The following XCR1 variants were observed in gnomAD, a reference collection of about 807,000 sequenced individuals.
XCR1 encodes X-C motif chemokine receptor 1, also known as chemokine XC receptor 1.
For synonymous variants in XCR1, 187 were observed against 188.5 expected (o/e 0.99, Z 0.06); for missense variants, 356 against 424.2 (o/e 0.84, Z 1.41).
intron 5 of XCR1, among the ~76,000 whole-genome samples, chr3:46,047,727 G>T (rs1697661975): frequency 6.6e-6 from 1 of 152,230 alleles, no homozygotes. Context: ...CTGGGTGGCA[G>T]ACTGGGATTG....
At chr3:46,073,896 G>C (rs1698206751) in intron 3 of XCR1, among the ~76,000 whole-genome samples, 1 of 150,426 alleles carries the variant, frequency 6.6e-6, no homozygotes, top group Non-Finnish European at 1.5e-5. Context: ...ACACCAATCA[G>C]AATGGCAATT....
At chr3:46,051,404 G>A (rs1697740431) in intron 5 of XCR1, among the ~76,000 whole-genome samples, 1 of 152,200 alleles carries the variant, frequency 6.6e-6, no homozygotes, top group Non-Finnish European at 1.5e-5. Flanking sequence ...GCACTCTGTT[G>A]AACACTTTGA....
intron 5 of XCR1, among the ~76,000 whole-genome samples, chr3:46,035,431 G>A (rs1177845827): frequency 6.6e-6 from 1 of 152,168 alleles, no homozygotes; most frequent in Non-Finnish European, 1.5e-5. Flanking sequence ...TGTGCCATGA[G>A]CAACGGGACC....
chr3:46,052,737 A>G (rs867994283), intron 5 of XCR1, among the ~76,000 whole-genome samples: 1 of 152,200 alleles, frequency 6.6e-6, no homozygotes, highest in Admixed American at 6.5e-5. Flanking sequence ...GCGCGTTCAT[A>G]ATCTGCGTTT....
intron 5 of XCR1, among the ~76,000 whole-genome samples, chr3:46,038,116 C>T (rs1230124026): frequency 2.0e-5 from 3 of 151,496 alleles, no homozygotes; most frequent in Admixed American, 2.0e-4. Context: ...CAAACTCTGC[C>T]TCCCAGGTTC....
At chr3:46,049,253 G>C (rs1288751179) in intron 5 of XCR1, among the ~76,000 whole-genome samples, 8 of 152,202 alleles carry the variant, frequency 5.3e-5, no homozygotes, top group Non-Finnish European at 1.2e-4. Flanking sequence ...GGGCATGCTG[G>C]CAAGTAGGAC....
chr3:46,050,502 C>T (rs1697719874), intron 5 of XCR1, among the ~76,000 whole-genome samples: 1 of 152,118 alleles, frequency 6.6e-6, no homozygotes, highest in Non-Finnish European at 1.5e-5. Context: ...GACAAGAGCT[C>T]GCTTTACTTC....
At chr3:46,046,250 G>A (rs1407593366) in intron 5 of XCR1, among the ~76,000 whole-genome samples, 1 of 152,154 alleles carries the variant, frequency 6.6e-6, no homozygotes, top group East Asian at 1.9e-4. Flanking sequence ...GGGGTCAGGG[G>A]GCACCTTGCC....
intron 4 of XCR1, among the ~76,000 whole-genome samples, chr3:46,056,752 GGT>G (rs755503828): frequency 1.6e-3 from 250 of 152,142 alleles, no homozygotes; most frequent in Non-Finnish European, 3.0e-3. Context: ...TTCCCAAAGT[GGT>G]GGGATTACAG....
At chr3:46,067,006 A>T (rs140939344) in intron 3 of XCR1, among the ~76,000 whole-genome samples, 1 of 152,308 alleles carries the variant, frequency 6.6e-6, no homozygotes, top group African/African-American at 2.4e-5. Flanking sequence ...ACCTCAATAC[A>T]TGCTTGCTGA....
At chr3:46,065,358 C>T (rs1248052602) in intron 4 of XCR1, among the ~76,000 whole-genome samples, 3 of 152,170 alleles carry the variant, frequency 2.0e-5, no homozygotes, top group African/African-American at 4.8e-5. Flanking sequence ...GTCTTGCTAG[C>T]TTTCTAGCAA....
chr3:46,022,035 A>T, intron 1 of XCR1, 57 bp from the exon 2 acceptor site: 1 of 1,447,506 alleles, frequency 6.9e-7, no homozygotes, highest in Non-Finnish European at 9.4e-7. Context: ...ACAGTGGCTA[A>T]CACCTGTAAT....
chr3:46,034,535 A>G (rs1362785374), intron 5 of XCR1, among the ~76,000 whole-genome samples: 3 of 152,166 alleles, frequency 2.0e-5, no homozygotes, highest in Non-Finnish European at 4.4e-5. Context: ...ACGTGCTCCT[A>G]TTCTTAGGGG....
rs1361457453 is a variant in XCR1, at chr3:46,067,415, C to T, written c.-262-437G>A. 3.3e-5 allele frequency among the ~76,000 whole-genome samples: 5 copies of T among 152,290 alleles called. No individual in the cohort carries two copies. In the East Asian group the frequency reaches 7.7e-4, roughly 23 times the overall value. Reference sequence around the variant, plus strand: ...AGGTGCATGGTGTAAGAGGCAGGAACATCAAGGTTTGAGACTGGAAAGATA... The same window carrying T: ...AGGTGCATGGTGTAAGAGGCAGGAATATCAAGGTTTGAGACTGGAAAGATA... On this transcript the variant is annotated intron_variant, in intron 3 of 5. Coordinates refer to the XCR1 transcript ENST00000683768.
chr3:46,080,069 TA>T (rs112696786), intron 1 of XCR1, among the ~76,000 whole-genome samples: 9,508 of 148,358 alleles, frequency 0.064, 592 homozygotes, highest in African/African-American at 0.16. Flanking sequence ...TTTGAACAGT[TA>T]AAAAAAAAAC....
rs763499318 is a variant in XCR1, at chr3:46,021,568, C to A, written c.380G>T (p.Arg127Leu). 1.2e-6 allele frequency: 2 copies of A among 1,610,554 alleles called. No individual in the cohort carries two copies. The highest frequency in any genetic ancestry group is 2.7e-5 in the African/African-American group (2 of 74,784). The change falls in exon 2 of 2, where the codon CGC becomes CTC. Residue 127 changes from arginine to leucine, a missense_variant. By Grantham distance (102) the Arg-to-Leu change is moderately radical. Transcript: ENST00000309285. This position sits in a 1 kb window ranked among gnomAD's most constrained non-coding sequence, Gnocchi z 4.7. ...IFFLTIMTIH[R>L]YLSVVSPLST... Reference sequence around the variant, plus strand: ...GAGGGGGCTCACTACCGACAGGTAGCGGTGGATGGTCATGATGGTCAGGAA... The same window carrying A: ...GAGGGGGCTCACTACCGACAGGTAGAGGTGGATGGTCATGATGGTCAGGAA...
At position 46,019,274 on chromosome 3, in the gene XCR1, TC is replaced by T. The variant is rs1408350476; in HGVS notation, c.*1671del. The T allele has an allele frequency of 6.6e-6, 1 of 152,174 alleles. No individual in the cohort carries two copies. The highest frequency in any genetic ancestry group is 1.5e-5 in the Non-Finnish European group (1 of 68,018). The allele number at this position is 152,174 out of a possible 1,614,324, so 9.4% of individuals were successfully genotyped here. ...GGTAAAGTGTGCCCCAGGGCATGGC[TC>T]CCCAAGAAGCATAAATCTGAAGGAT... On this transcript the variant is annotated 3_prime_UTR_variant, in exon 2 of 2. Coordinates refer to ENST00000309285, the MANE Select transcript of XCR1 (RefSeq NM_001024644.2).
chr3:46,080,184 C>A (rs1358602226), intron 1 of XCR1, among the ~76,000 whole-genome samples: 47 of 131,982 alleles, frequency 3.6e-4, no homozygotes, highest in African/African-American at 3.4e-4. Flanking sequence ...GTCCTTGTCT[C>A]AAAAAAAAAA....
At chr3:46,075,308 C>CAAAAAAAAAAAAAAAAAAAAAAAAAAAAA (rs56787185) in intron 2 of XCR1, among the ~76,000 whole-genome samples, 2 of 61,674 alleles carry the variant, frequency 3.2e-5, no homozygotes, top group African/African-American at 6.9e-5. Flanking sequence ...GCTCATAGAC[C>CAAAAAAAAAAAAAAAAAAAAAAAAAAAAA]AAAAAAAAAA....
Sources: gnomAD v4.1 joint callset for allele counts (sites outside exome capture counted in the v4.1 genomes callset) on GRCh38, gnomAD v4.1.1 for gene constraint, Gnocchi (gnomAD v3.1) non-coding constraint, MANE v1.5 for transcripts, NCBI Gene and HGNC (gene_info 2026-07-23, HGNC 2026-07-21) for gene names.